The following RAI1 variants were observed in gnomAD, a reference collection of about 807,000 sequenced individuals.
The protein encoded by RAI1 is retinoic acid induced 1.
A neutral mutation model predicts 123.8 loss-of-function variants in RAI1; 9 were observed. That is an observed-to-expected ratio of 0.07 (90% CI 0.04 to 0.13). The LOEUF (loss-of-function observed/expected upper bound fraction) is 0.13, where lower values mean the gene tolerates loss of function less well. Ranked by LOEUF, RAI1 falls within the 10% of genes least tolerant of loss-of-function variation. The probability of loss-of-function intolerance (pLI) is 1.00; values close to 1 mark genes in which losing one functional copy is unlikely to be tolerated. For synonymous variants in RAI1, 1,231 were observed against 1,127.3 expected (o/e 1.09, Z -1.84); for missense variants, 2,256 against 2,545.8 (o/e 0.89, Z 2.45).
intron 2 of RAI1, among the ~76,000 whole-genome samples, chr17:17,780,026 C>T (rs540192432): frequency 4.7e-5 from 7 of 148,062 alleles, no homozygotes; most frequent in African/African-American, 1.2e-4. Flanking sequence ...CCGCCTGCCT[C>T]GGCCTCCCAA....
chr17:17,711,318 C>T lies in RAI1; in HGVS notation c.-148-12710C>T, dbSNP rs76841389. ...CCCATGATTTCCATCTTTGTGTCCC[C>T]GAGGCATCTGGTGCACTGTAGCTGA... On this transcript the variant is annotated intron_variant, in intron 1 of 5. Transcript: ENST00000353383. Among the ~76,000 whole-genome samples the T allele has an allele frequency of 4.8e-3, 737 of 152,306 alleles. 7 individuals carry two copies. Among genetic ancestry groups the T allele is most frequent in the African/African-American group, 0.017 (688 of 41,560 alleles).
intron 2 of RAI1, among the ~76,000 whole-genome samples, chr17:17,786,962 A>T (rs1026476978): frequency 1.3e-5 from 2 of 152,222 alleles, no homozygotes; most frequent in African/African-American, 4.8e-5. Context: ...AATCCCAGCT[A>T]CCCGGGAGGC....
At chr17:17,781,762 T>G (rs1450126278) in intron 2 of RAI1, among the ~76,000 whole-genome samples, 1 of 152,226 alleles carries the variant, frequency 6.6e-6, no homozygotes, top group African/African-American at 2.4e-5. Context: ...AGCCCGCTGC[T>G]GTTTAAATGG....
chr17:17,694,955 T>A (rs1048571675), intron 1 of RAI1, among the ~76,000 whole-genome samples: 1 of 151,974 alleles, frequency 6.6e-6, no homozygotes, highest in African/African-American at 2.4e-5. Context: ...CGCGCATCTC[T>A]GGGCCTCGTT....
At chr17:17,719,790 G>C (rs961615312) in intron 1 of RAI1, among the ~76,000 whole-genome samples, 2 of 152,198 alleles carry the variant, frequency 1.3e-5, no homozygotes, top group African/African-American at 4.8e-5. Flanking sequence ...GTGACTGGGA[G>C]CAAGTGCATT....
intron 2 of RAI1, among the ~76,000 whole-genome samples, chr17:17,789,344 G>A (rs894103217): frequency 7.9e-5 from 12 of 152,366 alleles, no homozygotes; most frequent in African/African-American, 2.4e-4. Context: ...CAAGAAAGCC[G>A]CACAGAGTAG....
intron 2 of RAI1, among the ~76,000 whole-genome samples, chr17:17,790,225 C>T (rs1455286204): frequency 2.6e-5 from 4 of 152,234 alleles, no homozygotes; most frequent in African/African-American, 9.6e-5. Context: ...GCAGTGCCCC[C>T]TTTTCTCCCA....
intron 1 of RAI1, among the ~76,000 whole-genome samples, chr17:17,708,696 ACT>A (rs968765307): frequency 4.6e-5 from 7 of 151,922 alleles, no homozygotes; most frequent in African/African-American, 1.7e-4. Flanking sequence ...CTGGCAGCTC[ACT>A]CTCTTTCTAG....
intron 1 of RAI1, among the ~76,000 whole-genome samples, chr17:17,699,875 T>C (rs1360855324): frequency 6.6e-6 from 1 of 152,066 alleles, no homozygotes; most frequent in Admixed American, 6.5e-5. Context: ...TGTGGCTTCC[T>C]AGTTATGAGC....
chr17:17,769,985 G>A (rs1209322415), intron 2 of RAI1, among the ~76,000 whole-genome samples: 5 of 152,234 alleles, frequency 3.3e-5, no homozygotes, highest in Non-Finnish European at 7.3e-5. Context: ...AGGACGGCAG[G>A]GCGGGTGAGC....
At chr17:17,720,320 G>A (rs1915840531) in intron 1 of RAI1, among the ~76,000 whole-genome samples, 1 of 152,186 alleles carries the variant, frequency 6.6e-6, no homozygotes, top group African/African-American at 2.4e-5. Context: ...AGGAAGGACT[G>A]GGCCCTTTAA....
chr17:17,689,938 C>A (rs1259282794), intron 1 of RAI1, among the ~76,000 whole-genome samples: 1 of 152,112 alleles, frequency 6.6e-6, no homozygotes, highest in African/African-American at 2.4e-5. Flanking sequence ...GTGCCAAAGC[C>A]CCCCAACTCC....
In RAI1 at chr17:17,797,347, C is replaced by T. The variant is rs2032298610; in HGVS notation, c.4399C>T (p.Pro1467Ser). ...GLSKGPLEKR[P>S]YLGPALLLTP... ...CTCCAAAGGCCCGCTGGAGAAGCGG[C>T]CCTATCTTGGCCCGGCTCTGCTCCT... is the stretch of plus-strand genomic sequence containing the variant. Residue 1467 changes from proline (P) to serine (S), a missense_variant, in exon 3 of 6, where the codon CCC (proline) becomes TCC (serine). By Grantham distance (74) the Pro-to-Ser change is moderately conservative. Around this residue, in one of 7 missense-constraint regions of RAI1, gnomAD observed 410 missense variants for 374.6 expected, o/e 1.09. Coordinates refer to ENST00000353383, the MANE Select transcript of RAI1 (RefSeq NM_030665.4). The T allele has an allele frequency of 1.2e-6, 2 of 1,612,250 alleles. No homozygotes were observed. Among genetic ancestry groups the T allele is most frequent in the African/African-American group, 2.7e-5 (2 of 74,912 alleles).
At chr17:17,783,008 C>G (rs999822467) in intron 2 of RAI1, among the ~76,000 whole-genome samples, 4 of 116,832 alleles carry the variant, frequency 3.4e-5, no homozygotes, top group African/African-American at 6.7e-5. Context: ...CAAGGAACAG[C>G]TGCTTCACTC....
intron 2 of RAI1, among the ~76,000 whole-genome samples, chr17:17,792,448 G>A (rs1401214496): frequency 2.0e-5 from 3 of 152,088 alleles, no homozygotes; most frequent in Admixed American, 2.0e-4. Context: ...GTCGCGAAGG[G>A]ACTAAATTAC....
At chr17:17,763,442 A>C (rs961995469) in intron 2 of RAI1, among the ~76,000 whole-genome samples, 2 of 152,224 alleles carry the variant, frequency 1.3e-5, no homozygotes, top group African/African-American at 4.8e-5. Context: ...GCCCGCCCTC[A>C]AGGAGCTGCT....
chr17:17,714,236 C>G lies in RAI1; in HGVS notation c.-148-9792C>G, dbSNP rs938691849. 2.0e-5 allele frequency among the ~76,000 whole-genome samples: 3 copies of G among 152,114 alleles called. No homozygotes were observed. The highest frequency in any genetic ancestry group is 7.2e-5 in the African/African-American group (3 of 41,402). On this transcript the variant is annotated intron_variant, in intron 1 of 5. Coordinates refer to ENST00000353383, the MANE Select transcript of RAI1 (RefSeq NM_030665.4). This position sits in a 1 kb window ranked among gnomAD's most constrained non-coding sequence, Gnocchi z 4.9. ...CAGTTTCTGGGTCTGCAGAAGGGGGCTCCCAGGCCTCTCCCTGCCTACCTT... is the reference window on the plus strand; with the variant it reads ...CAGTTTCTGGGTCTGCAGAAGGGGGGTCCCAGGCCTCTCCCTGCCTACCTT...
At chr17:17,719,295 G>GC (rs1280702767) in intron 1 of RAI1, among the ~76,000 whole-genome samples, 2 of 152,032 alleles carry the variant, frequency 1.3e-5, no homozygotes, top group African/African-American at 2.4e-5. Context: ...TGTAGGTGTG[G>GC]CCCCCCGTCC....
rs2032660438 is a variant in RAI1 at position 17,809,409 on chromosome 17, G to T, written c.5679G>T (p.Glu1893Asp). 1.2e-6 allele frequency: 2 copies of T among 1,609,472 alleles called. No individual in the cohort carries two copies. Among genetic ancestry groups the T allele is most frequent in the Non-Finnish European group, 1.7e-6 (2 of 1,175,940 alleles). Residue 1893 changes from glutamate to aspartate, a missense_variant, in exon 5 of 6, where the codon GAG (glutamate) becomes GAT (aspartate). By Grantham distance (45) the Glu-to-Asp change is conservative (BLOSUM62 2). Around this residue, in one of 7 missense-constraint regions of RAI1, gnomAD observed 243 missense variants for 316.6 expected, o/e 0.77. Coordinates refer to ENST00000353383, the MANE Select transcript of RAI1 (RefSeq NM_030665.4). This position sits in a 1 kb window ranked among gnomAD's most constrained non-coding sequence, Gnocchi z 4.9. Reference sequence around the variant, plus strand: ...TCACAGGTTGCATATTCATCGAAGAGAACTTTTCTTTGAAATGTCCCAAAC... The same window carrying T: ...TCACAGGTTGCATATTCATCGAAGATAACTTTTCTTTGAAATGTCCCAAAC... The part of the protein sequence containing the change: ...ASDAGCIFIE[E>D]NFSLKCPKHK...
Sources: gnomAD v4.1 joint callset for allele counts (sites outside exome capture counted in the v4.1 genomes callset) on GRCh38, gnomAD v4.1.1 for gene constraint, gnomAD v4.1.1 regional missense constraint, Gnocchi (gnomAD v3.1) non-coding constraint, MANE v1.5 for transcripts, NCBI Gene and HGNC (gene_info 2026-07-23, HGNC 2026-07-21) for gene names.